BSDC1: variants seen among roughly 807,000 people sequenced by gnomAD.
The protein encoded by BSDC1 is BSD domain containing 1.
In BSDC1, 29 loss-of-function variants were observed where a neutral mutation model predicts 56.0. The ratio of observed to expected loss-of-function variants is 0.52; its 90% CI spans 0.39 to 0.71. The LOEUF (loss-of-function observed/expected upper bound fraction) is 0.71, where lower values mean the gene tolerates loss of function less well. Among genes scored for constraint, BSDC1 ranks in the 30% least tolerant of loss-of-function variants. The pLI, the probability that BSDC1 is intolerant of heterozygous loss-of-function variation, is 0.00. For missense variants in BSDC1, 477 were observed against 548.5 expected (o/e 0.87, Z 1.30); for synonymous variants, 210 against 215.3 (o/e 0.98, Z 0.21).
chr1:32,371,616 CTTTTTT>C (rs201163639), intron 9 of BSDC1, among the ~76,000 whole-genome samples: 21 of 151,204 alleles, frequency 1.4e-4, no homozygotes, highest in African/African-American at 3.9e-4. Flanking sequence ...AGCCTGTAGT[CTTTTTT>C]TTTAAGTACC....
chr1:32,375,568 CAG>C (rs1322728795), intron 9 of BSDC1, among the ~76,000 whole-genome samples: 6 of 152,290 alleles, frequency 3.9e-5, no homozygotes, highest in Admixed American at 6.5e-5. Flanking sequence ...GACATAAACT[CAG>C]AGTCTCCAGT....
At chr1:32,393,961 A>G (rs1642957540) in intron 2 of BSDC1, 119 bp downstream of exon 2, 1 of 936,822 alleles carries the variant, frequency 1.1e-6, no homozygotes. Flanking sequence ...AGAAAGGCCC[A>G]GGTCAGCCTC....
chr1:32,391,446 G>C (rs1405565463), intron 2 of BSDC1, among the ~76,000 whole-genome samples: 1 of 152,220 alleles, frequency 6.6e-6, no homozygotes, highest in Admixed American at 6.5e-5. Flanking sequence ...CTGAAGTTAA[G>C]GGGAGGAGAA....
At chr1:32,367,381 T>C (rs1029046450) in intron 10 of BSDC1, 1 of 985,438 alleles carries the variant, frequency 1.0e-6, no homozygotes, top group African/African-American at 1.7e-5. Context: ...CTATGGGCTT[T>C]CTCTGTCCTG....
intron 9 of BSDC1, 116 bp from the exon 10 acceptor site, chr1:32,368,666 T>C (rs551893395): frequency 1.4e-6 from 2 of 1,428,862 alleles, no homozygotes; most frequent in Admixed American, 2.4e-5. Context: ...CACAAGTCTT[T>C]ACATTTTGTG....
At chr1:32,368,860 T>C (rs1408740211) in intron 9 of BSDC1, among the ~76,000 whole-genome samples, 1 of 151,914 alleles carries the variant, frequency 6.6e-6, no homozygotes. Context: ...CCCACACACC[T>C]GGCTAATTTT....
chr1:32,367,532 T>C, intron 10 of BSDC1: 1 of 985,410 alleles, frequency 1.0e-6, no homozygotes, highest in South Asian at 4.7e-5. Flanking sequence ...GGCTCATAAG[T>C]TACATGATGG....
In BSDC1 at chr1:32,366,575, G is replaced by A; in HGVS notation, c.*47C>T. 6.8e-7 allele frequency: 1 copy of A among 1,472,596 alleles called. No individual in the cohort carries two copies. The highest frequency in any genetic ancestry group is 1.4e-5 in the African/African-American group (1 of 71,500). 91.2% of individuals were successfully genotyped at this position (1,472,596 alleles called of 1,614,324 possible). On this transcript the variant is annotated 3_prime_UTR_variant, in exon 11 of 11. Transcript: ENST00000455895. ...CCAGGGCTGGGCTGAGACGAGCGAG[G>A]GAGGCGAGAGATGCCATGGGTGGGG...
In BSDC1 at chr1:32,376,491, C is replaced by A. The variant is rs1347619896; in HGVS notation, c.927G>T (p.Leu309=). 1.2e-6 allele frequency: 2 copies of A among 1,610,902 alleles called. No individual in the cohort carries two copies. The highest frequency in any genetic ancestry group is 1.7e-6 in the Non-Finnish European group (2 of 1,177,712). The change falls in exon 9 of 11, where the codon CTG becomes CTT. Residue 309 remains leucine (L), a synonymous_variant. Coordinates refer to ENST00000455895, the MANE Select transcript of BSDC1 (RefSeq NM_018045.8). ...CCTGTTCCTCCAAGGATGCCTCTAG[C>A]AGCTTTTGGGACAGGTCCTTGGGTA... ...RVLPKDLSQK[L]LEASLEEQGL...
rs1641861237 is a variant in BSDC1 at position 32,366,605 on chromosome 1, TGCTCCCTCTG to T, written c.*7_*16del. The T allele has an allele frequency of 1.3e-6, 2 of 1,510,400 alleles. No individual in the cohort carries two copies. Among genetic ancestry groups the T allele is most frequent in the African/African-American group, 1.4e-5 (1 of 72,214 alleles). 93.6% of individuals were successfully genotyped at this position (1,510,400 alleles called of 1,614,324 possible). A position where few individuals can be genotyped will look rare whatever the true frequency, so the allele number is the denominator to read the frequency against. On this transcript the variant is annotated 3_prime_UTR_variant, in exon 11 of 11. Coordinates refer to ENST00000455895, the MANE Select transcript of BSDC1 (RefSeq NM_018045.8). ...CGAGAGATGCCATGGGTGGGGGAGC[TGCTCCCTCTG>T]GCTCCCTCACTCCCAGTCCTCCCAC...
At chr1:32,372,940 A>G (rs948784834) in intron 9 of BSDC1, among the ~76,000 whole-genome samples, 1 of 152,246 alleles carries the variant, frequency 6.6e-6, no homozygotes, top group Non-Finnish European at 1.5e-5. Context: ...CTCTGCAGAA[A>G]GAAGTCCAGT....
Position 32,376,457 on chromosome 1 carries a change from C to T in BSDC1, c.961G>A (p.Val321Met), listed in dbSNP as rs769196804. 1.2e-6 allele frequency: 2 copies of T among 1,612,938 alleles called. No individual in the cohort carries two copies. The highest frequency in any genetic ancestry group is 2.2e-5 in the East Asian group (1 of 44,864). ...GAGGGTCCAGTCTCACCCACATCCA[C>T]AGCCAGGCCCTGTTCCTCCAAGGAT... is the stretch of plus-strand genomic sequence containing the variant. ...EASLEEQGLA[V>M]DVGETGPSPP... Residue 321 changes from valine (V) to methionine (M), a missense_variant, in exon 9 of 11, where the codon GTG becomes ATG. Coordinates refer to ENST00000455895, the MANE Select transcript of BSDC1 (RefSeq NM_018045.8).
At chr1:32,393,848 C>T in intron 2 of BSDC1, 1 of 520,638 alleles carries the variant, frequency 1.9e-6, no homozygotes, top group Non-Finnish European at 3.4e-6. Context: ...TCCTACAAAA[C>T]GTTCGTTAAC....
At chr1:32,388,869 C>T (rs898978602) in intron 2 of BSDC1, among the ~76,000 whole-genome samples, 1 of 152,246 alleles carries the variant, frequency 6.6e-6, no homozygotes, top group East Asian at 1.9e-4. Context: ...TCATCCTCAA[C>T]GTCTATGCTT....
rs1394825370 is a variant in BSDC1, at chr1:32,367,522, G to A, written c.1261-868C>T. 4.1e-6 allele frequency: 4 copies of A among 985,300 alleles called. No homozygotes were observed. In the Admixed American group the frequency reaches 2.5e-4, roughly 61 times the overall value. The allele number at this position is 985,300 out of a possible 1,614,324, so 61.0% of individuals were successfully genotyped here. On this transcript the variant is annotated intron_variant, in intron 10 of 10. Transcript: ENST00000455895. Reference sequence around the variant, plus strand: ...CTAATCTGTCCACCTCTTTCTAACAGGCTCATAAGTTACATGATGGAAGGA... The same window carrying A: ...CTAATCTGTCCACCTCTTTCTAACAAGCTCATAAGTTACATGATGGAAGGA...
At chr1:32,394,286 C>A in intron 1 of BSDC1, 118 bp downstream of exon 1, 1 of 1,578,306 alleles carries the variant, frequency 6.3e-7, no homozygotes, top group Non-Finnish European at 8.7e-7. Flanking sequence ...TCCACTCTGC[C>A]CTTTCAGATC....
chr1:32,378,014 G>T lies in BSDC1; in HGVS notation c.632C>A (p.Ala211Glu). Reference sequence around the variant, plus strand: ...GGGCTCTTCAGAGATGCTCTGTTCCGCCCGCTGCTTCAGGGCGTCCCTCCG... The same window carrying T: ...GGGCTCTTCAGAGATGCTCTGTTCCTCCCGCTGCTTCAGGGCGTCCCTCCG... ...QARRDALKQRAEQSISEEPGW... is the reference protein window; with the variant it reads ...QARRDALKQREEQSISEEPGW... The change falls in exon 8 of 11, where the codon GCG (alanine) becomes GAG (glutamate). Residue 211 changes from alanine to glutamate, a missense_variant. Coordinates refer to ENST00000455895, the MANE Select transcript of BSDC1 (RefSeq NM_018045.8). This position sits in a 1 kb window ranked among gnomAD's most constrained non-coding sequence, Gnocchi z 5.2. 6.2e-7 allele frequency: 1 copy of T among 1,613,160 alleles called. No individual in the cohort carries two copies. Among genetic ancestry groups the T allele is most frequent in the Non-Finnish European group, 8.5e-7 (1 of 1,179,532 alleles).
Position 32,366,400 on chromosome 1 carries a change from T to C in BSDC1, c.*222A>G. ...GTTTCCTCTCCCTTGGGTCATCCTA[T>C]TGTTGGCACAAGTCAGAGTTTCTGG... is the stretch of plus-strand genomic sequence containing the variant. On this transcript the variant is annotated 3_prime_UTR_variant, in exon 11 of 11. Transcript: ENST00000455895. The C allele has an allele frequency of 1.4e-6, 1 of 701,186 alleles. No individual in the cohort carries two copies. The highest frequency in any genetic ancestry group is 1.5e-5 in the South Asian group (1 of 66,734). The allele number at this position is 701,186 out of a possible 1,614,324, so 43.4% of individuals were successfully genotyped here.
At chr1:32,377,887 C>T (rs1642348876) in intron 8 of BSDC1, 83 bp downstream of exon 8, 1 of 1,371,540 alleles carries the variant, frequency 7.3e-7, no homozygotes, top group Non-Finnish European at 1.0e-6. Context: ...CACCAAGTCT[C>T]TCCAGGCTTC....
Sources: gnomAD v4.1 joint callset for allele counts (sites outside exome capture counted in the v4.1 genomes callset) on GRCh38, gnomAD v4.1.1 for gene constraint, Gnocchi (gnomAD v3.1) non-coding constraint, MANE v1.5 for transcripts, NCBI Gene and HGNC (gene_info 2026-07-23, HGNC 2026-07-21) for gene names.